Variants in DACH1 observed in about 807,000 individuals in gnomAD.
DACH1 encodes dachshund homolog 1.
In DACH1, 12 loss-of-function variants were observed where a neutral mutation model predicts 54.2. The observed-to-expected ratio is 0.22, with a 90% confidence interval of 0.14 to 0.36. The LOEUF (loss-of-function observed/expected upper bound fraction) is 0.36. Ranked by LOEUF, DACH1 falls within the 10% of genes least tolerant of loss-of-function variation. The pLI, the probability that DACH1 is intolerant of heterozygous loss-of-function variation, is 1.00. For missense variants in DACH1, 805 were observed against 929.8 expected, an observed-to-expected ratio of 0.87 and a Z score of 1.75; for synonymous variants, 386 against 366.2, an observed-to-expected ratio of 1.05 and a Z score of -0.62.
In DACH1 at chr13:71,499,293, T is replaced by C. The variant is rs910189034; in HGVS notation, c.1571-10145A>G. On this transcript the variant is annotated intron_variant, in intron 6 of 10. Coordinates refer to ENST00000613252, the MANE Select transcript of DACH1 (RefSeq NM_080759.6). ...CCTTTCTGTCATTTCCATGACCCAGTAGGTTTAACCTCACTGCTGATACTG... is the reference window on the plus strand; with the variant it reads ...CCTTTCTGTCATTTCCATGACCCAGCAGGTTTAACCTCACTGCTGATACTG... Among the ~76,000 whole-genome samples, 7 of 152,356 alleles carry C rather than the reference T, an allele frequency of 4.6e-5. No homozygotes were observed. The South Asian group carries it at 1.0e-3, about 23-fold the overall frequency.
chr13:71,500,439 G>A (rs1879816238), intron 6 of DACH1, among the ~76,000 whole-genome samples: 1 of 152,028 alleles, frequency 6.6e-6, no homozygotes, highest in African/African-American at 2.4e-5. Context: ...AAAACAGAAC[G>A]ATTCTCAAAT....
At chr13:71,865,809 G>C in intron 1 of DACH1, 113 bp downstream of exon 1, 1 of 1,311,076 alleles carries the variant, frequency 7.6e-7, no homozygotes, top group Non-Finnish European at 9.7e-7. Context: ...GCGCTCGCCG[G>C]GGCGCGCGGC....
At chr13:71,595,967 A>C (rs1405122116) in intron 3 of DACH1, among the ~76,000 whole-genome samples, 1 of 152,152 alleles carries the variant, frequency 6.6e-6, no homozygotes, top group Non-Finnish European at 1.5e-5. Flanking sequence ...ATGAAGAATT[A>C]ACAGATTTGG....
chr13:71,737,284 C>T (rs772248883), intron 1 of DACH1, among the ~76,000 whole-genome samples: 7 of 151,950 alleles, frequency 4.6e-5, no homozygotes, highest in East Asian at 3.9e-4. Context: ...GAGAACTAGG[C>T]GTTGTGCAAA....
intron 3 of DACH1, among the ~76,000 whole-genome samples, chr13:71,594,170 TA>T (rs942611670): frequency 6.6e-6 from 1 of 151,484 alleles, no homozygotes; most frequent in South Asian, 2.1e-4. Context: ...ATCTCTAATA[TA>T]AAAAAATTTT....
chr13:71,684,204 C>T (rs969429834), intron 1 of DACH1, among the ~76,000 whole-genome samples: 1 of 152,050 alleles, frequency 6.6e-6, no homozygotes, highest in African/African-American at 2.4e-5. Flanking sequence ...TTGTCCCACT[C>T]CAGAGTCTAG....
intron 1 of DACH1, among the ~76,000 whole-genome samples, chr13:71,861,028 G>C (rs925860588): frequency 9.2e-5 from 14 of 151,834 alleles, no homozygotes; most frequent in African/African-American, 3.1e-4. Context: ...AGTCAATATA[G>C]GGTGTCACAT....
chr13:71,804,054 C>T (rs1342203028), intron 1 of DACH1, among the ~76,000 whole-genome samples: 2 of 152,110 alleles, frequency 1.3e-5, no homozygotes, highest in South Asian at 4.1e-4. Context: ...TGTAGTGGCT[C>T]ACATAGGTAA....
At chr13:71,864,461 C>T (rs1874579631) in intron 1 of DACH1, among the ~76,000 whole-genome samples, 1 of 152,168 alleles carries the variant, frequency 6.6e-6, no homozygotes, top group Non-Finnish European at 1.5e-5. Flanking sequence ...GCTACACTTC[C>T]TTTCCACCTA....
chr13:71,655,365 T>C (rs1000174123), intron 2 of DACH1, among the ~76,000 whole-genome samples: 15 of 148,204 alleles, frequency 1.0e-4, no homozygotes, highest in Non-Finnish European at 1.5e-5. Context: ...GTCTCTTTTT[T>C]TTTTTAATTT....
At chr13:71,604,711 C>G (rs1023056721) in intron 3 of DACH1, among the ~76,000 whole-genome samples, 2 of 151,838 alleles carry the variant, frequency 1.3e-5, no homozygotes, top group African/African-American at 4.8e-5. Flanking sequence ...AAACTAGACA[C>G]CTTAGAGAAC....
chr13:71,857,406 T>C (rs920040944), intron 1 of DACH1, among the ~76,000 whole-genome samples: 2 of 151,796 alleles, frequency 1.3e-5, no homozygotes, highest in African/African-American at 4.8e-5. Context: ...AATTGTATTT[T>C]CCTAAGTTAT....
intron 6 of DACH1, among the ~76,000 whole-genome samples, chr13:71,501,586 C>T (rs1271215031): frequency 6.6e-6 from 1 of 152,080 alleles, no homozygotes; most frequent in Admixed American, 6.6e-5. Context: ...CTTGAGATGA[C>T]CATTGTTAAA....
intron 1 of DACH1, among the ~76,000 whole-genome samples, chr13:71,825,350 C>A (rs1888338241): frequency 6.6e-6 from 1 of 152,014 alleles, no homozygotes; most frequent in Non-Finnish European, 1.5e-5. Context: ...CACTAATTTA[C>A]AGTATGCAAT....
chr13:71,719,037 T>C (rs1883112871), intron 1 of DACH1, among the ~76,000 whole-genome samples: 1 of 152,146 alleles, frequency 6.6e-6, no homozygotes, highest in African/African-American at 2.4e-5. Context: ...GGAGCTTTCT[T>C]TTCTGTTGGC....
Position 71,479,190 on chromosome 13 carries a change from C to A in DACH1, c.1849G>T (p.Ala617Ser), listed in dbSNP as rs778355424. 3.1e-6 allele frequency: 5 copies of A among 1,611,910 alleles called. No homozygotes were observed. The highest frequency in any genetic ancestry group is 2.7e-5 in the African/African-American group (2 of 74,812). Residue 617 changes from alanine to serine, a missense_variant, in exon 8 of 11, where the codon GCT becomes TCT. Physicochemically the swap from Ala to Ser is moderately conservative, Grantham distance 99 (BLOSUM62 1). Around this residue, in one of 3 missense-constraint regions of DACH1, gnomAD observed 472 missense variants for 545.3 expected, o/e 0.87. Coordinates refer to ENST00000613252, the MANE Select transcript of DACH1 (RefSeq NM_080759.6). Reference sequence around the variant, plus strand: ...ATACCTCTATTCTTTTGTTCCATAGCCAACTGCTTCTCAAGTGTTTCCCTT... The same window carrying A: ...ATACCTCTATTCTTTTGTTCCATAGACAACTGCTTCTCAAGTGTTTCCCTT... Reference protein sequence around the residue: ...ELRETLEKQLAMEQKNRAIVQ... With the variant: ...ELRETLEKQLSMEQKNRAIVQ...
chr13:71,815,355 C>A (rs1887871364), intron 1 of DACH1, among the ~76,000 whole-genome samples: 1 of 151,838 alleles, frequency 6.6e-6, no homozygotes, highest in Admixed American at 6.6e-5. Flanking sequence ...TGAGCGAGAG[C>A]CAGGCGTCAA....
intron 1 of DACH1, among the ~76,000 whole-genome samples, chr13:71,853,681 A>G (rs1873818319): frequency 6.6e-6 from 1 of 152,220 alleles, no homozygotes; most frequent in Non-Finnish European, 1.5e-5. Context: ...TAATTAGTAC[A>G]AAAGAAAGAA....
At position 71,714,683 on chromosome 13, in the gene DACH1, T is replaced by C. The variant is rs117024386; in HGVS notation, c.849-32773A>G. On this transcript the variant is annotated intron_variant, in intron 1 of 10. Transcript: ENST00000613252. ...TTTTTATCCCGTTCTTGAGCTGACT[T>C]TCCAAGTAGTAATATAAAAAATATT... is the stretch of plus-strand genomic sequence containing the variant. Among the ~76,000 whole-genome samples the C allele has an allele frequency of 6.9e-3, 1,049 of 152,128 alleles. 24 individuals carry two copies. The highest frequency in any genetic ancestry group is 6.5e-3 in the Non-Finnish European group (444 of 67,916).
Sources: gnomAD v4.1 joint callset for allele counts (sites outside exome capture counted in the v4.1 genomes callset) on GRCh38, gnomAD v4.1.1 for gene constraint, gnomAD v4.1.1 regional missense constraint, MANE v1.5 for transcripts, NCBI Gene and HGNC (gene_info 2026-07-23, HGNC 2026-07-21) for gene names.